CHID1: variants seen among roughly 807,000 people sequenced by gnomAD.
CHID1 encodes the protein chitinase domain-containing protein 1.
In CHID1, 44 loss-of-function variants were observed where a neutral mutation model predicts 55.4. That is an observed-to-expected ratio of 0.79 (90% CI 0.62 to 1.02). CHID1 has a LOEUF of 1.02. CHID1 is among the 50% of genes least tolerant of loss of function. CHID1 has a pLI of 0.00. For missense variants in CHID1, 491 were observed against 515.3 expected (o/e 0.95, Z 0.46); for synonymous variants, 216 against 212.9 (o/e 1.01, Z -0.13).
chr11:885,690 C>T (rs112953469), intron 8 of CHID1, among the ~76,000 whole-genome samples: 17 of 152,238 alleles, frequency 1.1e-4, no homozygotes, highest in Admixed American at 3.9e-4. Context: ...CCCTCTGGGC[C>T]GAGGCCTCCA....
Position 869,631 on chromosome 11 carries a change from GC to G in CHID1, c.*226del, listed in dbSNP as rs1357543176. 3.4e-6 allele frequency: 2 copies of G among 585,912 alleles called. No individual in the cohort carries two copies. Among genetic ancestry groups the G allele is most frequent in the Non-Finnish European group, 6.1e-6 (2 of 328,834 alleles). The allele number at this position is 585,912 out of a possible 1,614,324, so 36.3% of individuals were successfully genotyped here. A position where few individuals can be genotyped will look rare whatever the true frequency, so the allele number is the denominator to read the frequency against. On this transcript the variant is annotated 3_prime_UTR_variant, in exon 13 of 13. Coordinates refer to ENST00000323578, the MANE Select transcript of CHID1 (RefSeq NM_023947.4). ...AGCTGACAGGAGGCAGCCAGCGGAT[GC>G]CCGGGTGGGAGGGGCTCGAGCTCTC...
intron 10 of CHID1, 99 bp from the exon 11 acceptor site, chr11:870,598 C>A: frequency 1.2e-6 from 1 of 823,434 alleles, no homozygotes; most frequent in Non-Finnish European, 2.0e-6. Flanking sequence ...GGCAGGGCCA[C>A]TCGGGGCAGC....
chr11:887,315 T>C (rs1850475265), intron 8 of CHID1, among the ~76,000 whole-genome samples: 1 of 152,162 alleles, frequency 6.6e-6, no homozygotes, highest in Admixed American at 6.6e-5. Context: ...GGCGCGTACC[T>C]CCACACGCAG....
chr11:892,566 T>C (rs1476795421), intron 8 of CHID1, among the ~76,000 whole-genome samples: 1 of 152,188 alleles, frequency 6.6e-6, no homozygotes, highest in East Asian at 1.9e-4. Flanking sequence ...AACTAGCAAC[T>C]GCGCTGTGCT....
chr11:892,086 GC>G (rs935905987), intron 8 of CHID1, among the ~76,000 whole-genome samples: 20 of 152,142 alleles, frequency 1.3e-4, no homozygotes, highest in Admixed American at 1.2e-3. Flanking sequence ...CTGCACTCCA[GC>G]CTGGGCGACA....
In CHID1 at chr11:893,448, A is replaced by G. The variant is rs1240249210; in HGVS notation, c.680T>C (p.Ile227Thr). ...HQARLLALLV[I>T]PPAITPGTDQ... ...TTACCCGGGGGTGATGGCAGGCGGG[A>G]TGACCAGGAGGGCCAGCAGCCGGGC... The change falls in exon 8 of 13, where the codon ATC becomes ACC. Residue 227 changes from isoleucine (I) to threonine (T), a missense_variant. Coordinates refer to ENST00000323578, the MANE Select transcript of CHID1 (RefSeq NM_023947.4). The G allele has an allele frequency of 6.4e-7, 1 of 1,551,160 alleles. No individual in the cohort carries two copies.
chr11:889,972 C>T (rs1850682631), intron 8 of CHID1, among the ~76,000 whole-genome samples: 1 of 152,178 alleles, frequency 6.6e-6, no homozygotes, highest in African/African-American at 2.4e-5. Flanking sequence ...CTGCTGCTGG[C>T]ATCCTCGCCC....
chr11:876,227 C>T (rs1464628594), intron 10 of CHID1, among the ~76,000 whole-genome samples: 1 of 152,138 alleles, frequency 6.6e-6, no homozygotes, highest in African/African-American at 2.4e-5. Flanking sequence ...TAGGGAGGAC[C>T]CACAGGACAC....
intron 2 of CHID1, chr11:903,880 T>C (rs1020987729): frequency 7.8e-5 from 15 of 192,004 alleles, no homozygotes; most frequent in Non-Finnish European, 1.3e-4. Flanking sequence ...GGCCAACCAC[T>C]GCCTGCCACC....
intron 7 of CHID1, among the ~76,000 whole-genome samples, chr11:894,404 A>G (rs1009373325): frequency 1.6e-4 from 24 of 152,306 alleles, no homozygotes; most frequent in African/African-American, 5.8e-4. Context: ...AGCACGGCCT[A>G]GGAGCAGCCG....
intron 1 of CHID1, chr11:908,499 G>GA (rs1407253012): frequency 5.9e-6 from 5 of 840,700 alleles, no homozygotes; most frequent in Non-Finnish European, 5.7e-6. Context: ...AGGTGGGGAG[G>GA]GTTCTGGCCA....
At chr11:913,005 G>A (rs1165293585), upstream of CHID1, among the ~76,000 whole-genome samples, 3 of 152,128 alleles carry the variant, frequency 2.0e-5, no homozygotes, top group Admixed American at 6.5e-5. Flanking sequence ...CGTATTTTAT[G>A]TTTTTGGAAC....
At chr11:901,543 G>A (rs1263623534) in intron 4 of CHID1, among the ~76,000 whole-genome samples, 1 of 152,158 alleles carries the variant, frequency 6.6e-6, no homozygotes, top group African/African-American at 2.4e-5. Context: ...GGCAGCCTCC[G>A]CCTGAACCCC....
chr11:888,844 G>A (rs975336361), intron 8 of CHID1, among the ~76,000 whole-genome samples: 2 of 151,762 alleles, frequency 1.3e-5, no homozygotes, highest in Non-Finnish European at 2.9e-5. Flanking sequence ...GCCAGTGCCT[G>A]CCCACTCGGC....
At chr11:890,436 G>T (rs532414425) in intron 8 of CHID1, among the ~76,000 whole-genome samples, 1 of 152,378 alleles carries the variant, frequency 6.6e-6, no homozygotes, top group East Asian at 1.9e-4. Context: ...CACGGGGCTT[G>T]CAGGAGCTGG....
At chr11:891,938 CA>C (rs57065345) in intron 8 of CHID1, among the ~76,000 whole-genome samples, 4,817 of 102,580 alleles carry the variant, frequency 0.047, 52 homozygotes, top group African/African-American at 0.057. Flanking sequence ...ACCTCATTTC[CA>C]AAAAAAAAAA....
rs986560437 is a variant in CHID1 at position 900,175 on chromosome 11, G to A, written c.440-65C>T. 6 of 1,361,330 alleles carry A rather than the reference G, an allele frequency of 4.4e-6. No individual in the cohort carries two copies. In the African/African-American group the frequency reaches 8.6e-5, roughly 19 times the overall value. 84.3% of individuals were successfully genotyped at this position (1,361,330 alleles called of 1,614,324 possible). A position where few individuals can be genotyped will look rare whatever the true frequency, so the allele number is the denominator to read the frequency against. On this transcript the variant is annotated intron_variant, in intron 5 of 12. Transcript: ENST00000323578. ...AGATGCTGGAGGGCCCCTGCTGTTT[G>A]CTGCCTCAAAAAGGCATCCCCTTGG...
intron 7 of CHID1, among the ~76,000 whole-genome samples, chr11:895,144 G>A (rs574273908): frequency 6.6e-6 from 1 of 152,188 alleles, no homozygotes; most frequent in Non-Finnish European, 1.5e-5. Context: ...AGCAGAGTAA[G>A]CCCTGCCCAG....
In CHID1 at chr11:883,120, A is replaced by G. The variant is rs1213554424; in HGVS notation, c.959+28T>C. On this transcript the variant is annotated intron_variant, in intron 10 of 12. Transcript: ENST00000323578. ...CCCACCCGCGCCCAGTGACACCTTCAGCACGGCAGGGAGAGCCCTTGGCTC... is the reference window on the plus strand; with the variant it reads ...CCCACCCGCGCCCAGTGACACCTTCGGCACGGCAGGGAGAGCCCTTGGCTC... 3 of 1,598,780 alleles carry G rather than the reference A, an allele frequency of 1.9e-6. No homozygotes were observed. In the African/African-American group the frequency reaches 4.0e-5, roughly 21 times the overall value.
Sources: gnomAD v4.1 joint callset for allele counts (sites outside exome capture counted in the v4.1 genomes callset) on GRCh38, gnomAD v4.1.1 for gene constraint, MANE v1.5 for transcripts, NCBI Gene and HGNC (gene_info 2026-07-23, HGNC 2026-07-21) for gene names.